Variants in NECAB1 observed in about 807,000 individuals in gnomAD.
NECAB1 encodes the protein N-terminal EF-hand calcium binding protein 1.
A neutral mutation model predicts 57.5 loss-of-function variants in NECAB1; 29 were observed. The ratio of observed to expected loss-of-function variants is 0.50; its 90% CI spans 0.38 to 0.69. NECAB1 has a LOEUF of 0.69. NECAB1 is among the 30% of genes least tolerant of loss of function. NECAB1 has a pLI of 0.00. For missense variants in NECAB1, 372 were observed against 413.8 expected, an observed-to-expected ratio of 0.90 and a Z score of 0.88; for synonymous variants, 142 against 147.7, an observed-to-expected ratio of 0.96 and a Z score of 0.28.
chr8:90,942,728 A>G (rs1238017451), intron 10 of NECAB1, among the ~76,000 whole-genome samples: 3 of 152,180 alleles, frequency 2.0e-5, no homozygotes, highest in Non-Finnish European at 4.4e-5. Flanking sequence ...CTAAAAATAC[A>G]AAAATTAGCT....
intron 3 of NECAB1, among the ~76,000 whole-genome samples, chr8:90,851,863 G>T (rs926491285): frequency 6.6e-6 from 1 of 152,014 alleles, no homozygotes; most frequent in Non-Finnish European, 1.5e-5. Context: ...ATAATAACAT[G>T]TACCCATAAT....
intron 3 of NECAB1, among the ~76,000 whole-genome samples, chr8:90,847,535 G>C (rs1392077223): frequency 1.3e-5 from 2 of 152,240 alleles, no homozygotes; most frequent in African/African-American, 4.8e-5. Flanking sequence ...GACTTTGTGT[G>C]GGGGCTACAA....
rs1810577263 is a variant in NECAB1, at chr8:90,937,912, A to C, written c.748-2874A>C. ...AAGGGTTTGGGGGCTATTCTCAAGT[A>C]ATGTAACAGCGACTATCAAAATATA... On this transcript the variant is annotated intron_variant, in intron 9 of 12. Transcript: ENST00000417640. 1.3e-5 allele frequency among the ~76,000 whole-genome samples: 2 copies of C among 152,164 alleles called. 1 individual carries two copies. Among genetic ancestry groups the C allele is most frequent in the South Asian group, 4.1e-4 (2 of 4,836 alleles).
At chr8:90,942,331 G>A (rs540297907) in intron 10 of NECAB1, among the ~76,000 whole-genome samples, 97 of 152,268 alleles carry the variant, frequency 6.4e-4, no homozygotes, top group Non-Finnish European at 9.1e-4. Context: ...TTGTCTGGGT[G>A]GCTGACCTCC....
chr8:90,879,667 G>T (rs910185548), intron 4 of NECAB1, among the ~76,000 whole-genome samples: 2 of 151,968 alleles, frequency 1.3e-5, no homozygotes, highest in African/African-American at 4.8e-5. Context: ...TTAACTGCTC[G>T]CTGGTTGATG....
chr8:90,930,839 C>G (rs1050602154), intron 8 of NECAB1, among the ~76,000 whole-genome samples: 1 of 152,130 alleles, frequency 6.6e-6, no homozygotes, highest in Admixed American at 6.5e-5. Flanking sequence ...AAATCCAGGA[C>G]CTCTATTTGC....
intron 2 of NECAB1, among the ~76,000 whole-genome samples, chr8:90,811,607 T>A (rs1811961100): frequency 6.6e-6 from 1 of 152,206 alleles, no homozygotes; most frequent in Non-Finnish European, 1.5e-5. Context: ...CTCCTATAAT[T>A]GAAAAACCCC....
At chr8:90,950,162 G>A (rs1810896485) in intron 11 of NECAB1, among the ~76,000 whole-genome samples, 1 of 152,164 alleles carries the variant, frequency 6.6e-6, no homozygotes, top group Admixed American at 6.6e-5. Flanking sequence ...TAGGGGGTAT[G>A]AGTGTCTAAA....
At chr8:90,945,541 C>CAT (rs1810785865) in intron 10 of NECAB1, among the ~76,000 whole-genome samples, 1 of 152,270 alleles carries the variant, frequency 6.6e-6, no homozygotes, top group African/African-American at 2.4e-5. Context: ...ATTAGTGACC[C>CAT]ACAGCTTGGT....
intron 4 of NECAB1, among the ~76,000 whole-genome samples, chr8:90,874,219 T>C (rs918097969): frequency 6.6e-5 from 10 of 152,288 alleles, no homozygotes; most frequent in African/African-American, 2.4e-4. Context: ...CCCTTGTGCG[T>C]GGGAGGGGCA....
At chr8:90,953,637 T>G (rs554493837) in intron 12 of NECAB1, among the ~76,000 whole-genome samples, 5 of 152,360 alleles carry the variant, frequency 3.3e-5, no homozygotes, top group African/African-American at 1.2e-4. Flanking sequence ...TTTATCACTG[T>G]GACAGCAGGC....
At chr8:90,843,208 A>T (rs1217678783) in intron 3 of NECAB1, among the ~76,000 whole-genome samples, 2 of 152,156 alleles carry the variant, frequency 1.3e-5, no homozygotes, top group African/African-American at 4.8e-5. Context: ...CCGTGATTCG[A>T]TTACCTCCCA....
At chr8:90,906,234 C>T (rs1809642964) in intron 5 of NECAB1, among the ~76,000 whole-genome samples, 1 of 152,116 alleles carries the variant, frequency 6.6e-6, no homozygotes, top group South Asian at 2.1e-4. Context: ...TTGGGCTTCC[C>T]TGAATATGCA....
At chr8:90,807,244 G>A (rs781469152) in intron 2 of NECAB1, among the ~76,000 whole-genome samples, 1 of 152,098 alleles carries the variant, frequency 6.6e-6, no homozygotes, top group Non-Finnish European at 1.5e-5. Context: ...AATAGTTGAT[G>A]TAGTATTTAT....
At chr8:90,811,711 GT>G (rs1811963331) in intron 2 of NECAB1, among the ~76,000 whole-genome samples, 1 of 152,018 alleles carries the variant, frequency 6.6e-6, no homozygotes, top group East Asian at 1.9e-4. Context: ...CTCAACTTTG[GT>G]TTGTGTCTGG....
At chr8:90,810,600 G>A (rs1366728134) in intron 2 of NECAB1, among the ~76,000 whole-genome samples, 2 of 152,130 alleles carry the variant, frequency 1.3e-5, no homozygotes, top group Non-Finnish European at 2.9e-5. Context: ...AGAATATTGT[G>A]AGTAATCAAA....
At chr8:90,941,969 ATG>A (rs957618064) in intron 10 of NECAB1, among the ~76,000 whole-genome samples, 3 of 152,130 alleles carry the variant, frequency 2.0e-5, no homozygotes, top group Non-Finnish European at 4.4e-5. Flanking sequence ...TTTTTAGAAA[ATG>A]TGTGTGTGTT....
At chr8:90,797,247 A>C (rs1811677599) in intron 1 of NECAB1, among the ~76,000 whole-genome samples, 1 of 152,218 alleles carries the variant, frequency 6.6e-6, no homozygotes, top group Non-Finnish European at 1.5e-5. Flanking sequence ...TAATTACATC[A>C]ATTTAGTAAA....
intron 2 of NECAB1, among the ~76,000 whole-genome samples, chr8:90,819,900 C>G (rs910456600): frequency 1.1e-4 from 17 of 151,768 alleles, no homozygotes; most frequent in Non-Finnish European, 7.4e-5. Flanking sequence ...AACTCTTCCC[C>G]TTCCCCTGCC....
Sources: allele counts gnomAD v4.1 joint callset (sites outside exome capture counted in the v4.1 genomes callset), GRCh38; gene constraint gnomAD v4.1.1; transcripts MANE v1.5; gene names NCBI Gene and HGNC (gene_info 2026-07-23, HGNC 2026-07-21).